The following CDH8 variants were observed in gnomAD, a reference collection of about 807,000 sequenced individuals.
The protein encoded by CDH8 is cadherin 8, also known as cadherin-8.
Under a neutral mutation model 68.1 loss-of-function variants are expected in CDH8, and 17 were observed. The observed-to-expected ratio is 0.25, with a 90% CI of 0.17 to 0.37. The LOEUF is 0.37. Among genes scored for constraint, CDH8 ranks in the 10% least tolerant of loss-of-function variants. The pLI is 1.00. For missense variants in CDH8, 763 were observed against 999.3 expected, an observed-to-expected ratio of 0.76 and a Z score of 3.19; for synonymous variants, 372 against 365.1, an observed-to-expected ratio of 1.02 and a Z score of -0.21.
At chr16:61,735,963 T>C (rs1196426929) in intron 8 of CDH8, among the ~76,000 whole-genome samples, 1 of 151,726 alleles carries the variant, frequency 6.6e-6, no homozygotes, top group Non-Finnish European at 1.5e-5. Context: ...GTCCCAGCTA[T>C]TCTGGAGGCT....
chr16:61,938,273 T>G (rs1348759857), intron 2 of CDH8, among the ~76,000 whole-genome samples: 1 of 152,144 alleles, frequency 6.6e-6, no homozygotes, highest in South Asian at 2.1e-4. Flanking sequence ...GCATTTCTTT[T>G]AAAATATACA....
intron 8 of CDH8, among the ~76,000 whole-genome samples, chr16:61,736,112 A>AAGGAAGGAAGGAAGGAAGG (rs1959673020): frequency 3.4e-5 from 4 of 116,464 alleles, no homozygotes; most frequent in Admixed American, 9.5e-5. Context: ...AGAAAGAAAG[A>AAGGAAGGAAGGAAGGAAGG]AAGGAAGGAA....
chr16:61,682,266 G>A (rs1275418597), intron 10 of CDH8, among the ~76,000 whole-genome samples: 1 of 151,862 alleles, frequency 6.6e-6, no homozygotes, highest in Non-Finnish European at 1.5e-5. Context: ...TGCAATGGGA[G>A]TTCATGTATT....
chr16:61,897,609 T>C (rs1963891775), intron 3 of CDH8, among the ~76,000 whole-genome samples: 1 of 152,202 alleles, frequency 6.6e-6, no homozygotes, highest in Non-Finnish European at 1.5e-5. Context: ...TCAATAGATA[T>C]AGGCTTGGCA....
At chr16:61,856,941 C>T (rs1430110852) in intron 4 of CDH8, among the ~76,000 whole-genome samples, 178 bp downstream of exon 4, 3 of 152,022 alleles carry the variant, frequency 2.0e-5, no homozygotes, top group South Asian at 2.1e-4. Context: ...TGTGATTTGT[C>T]GTAATCAGCA....
At chr16:61,749,247 A>G (rs1960099327) in intron 8 of CDH8, among the ~76,000 whole-genome samples, 2 of 152,066 alleles carry the variant, frequency 1.3e-5, no homozygotes, top group African/African-American at 4.8e-5. Context: ...AGCAAGACCA[A>G]TATGAATGAT....
At chr16:61,853,053 C>G (rs146210707) in intron 4 of CDH8, among the ~76,000 whole-genome samples, 1,527 of 152,098 alleles carry the variant, frequency 0.01, 8 homozygotes, top group Middle Eastern at 0.014. Flanking sequence ...ACCTTGCACT[C>G]TAGCATGGTA....
rs1157047677 is a variant in CDH8 at position 61,684,934 on chromosome 16, CCTT to C, written c.1654+28904_1654+28906del. Among the ~76,000 whole-genome samples, 26 of 152,038 alleles carry C rather than the reference CCTT, an allele frequency of 1.7e-4. 1 individual carries two copies. The highest frequency in any genetic ancestry group is 5.8e-4 in the African/African-American group (24 of 41,520). Reference sequence around the variant, plus strand: ...GACTCTTGGCTCCAGTAATTCTACTCCTTCTCTCTCTCTGCATAGGAGTGGAGT... The same window carrying C: ...GACTCTTGGCTCCAGTAATTCTACTCCTCTCTCTCTGCATAGGAGTGGAGT... On this transcript the variant is annotated intron_variant, in intron 10 of 11. Coordinates refer to ENST00000577390, the MANE Select transcript of CDH8 (RefSeq NM_001796.5).
intron 8 of CDH8, among the ~76,000 whole-genome samples, chr16:61,755,270 G>A (rs1439520613): frequency 1.3e-5 from 2 of 152,162 alleles, no homozygotes; most frequent in South Asian, 2.1e-4. Flanking sequence ...ATTATCACAA[G>A]GAGTTATAAT....
At position 61,691,013 on chromosome 16, in the gene CDH8, A is replaced by G. The variant is rs552974095; in HGVS notation, c.1654+22828T>C. On this transcript the variant is annotated intron_variant, in intron 10 of 11. Transcript: ENST00000577390. Reference sequence around the variant, plus strand: ...CTCACTTTATAGTCTACTAGTACCAACCAATTCTCCTTGTATATCTGGCTG... The same window carrying G: ...CTCACTTTATAGTCTACTAGTACCAGCCAATTCTCCTTGTATATCTGGCTG... Among the ~76,000 whole-genome samples the G allele has an allele frequency of 5.9e-5, 9 of 152,028 alleles. No individual in the cohort carries two copies. In the East Asian group the frequency reaches 1.5e-3, roughly 26 times the overall value.
intron 10 of CDH8, among the ~76,000 whole-genome samples, chr16:61,669,470 T>C (rs745400397): frequency 4.6e-5 from 7 of 152,068 alleles, no homozygotes; most frequent in South Asian, 2.1e-4. Flanking sequence ...GAATCTGTTA[T>C]ATGTGTCACT....
intron 8 of CDH8, among the ~76,000 whole-genome samples, chr16:61,739,727 C>CAAA (rs1240563096): frequency 1.3e-4 from 12 of 93,128 alleles, no homozygotes; most frequent in African/African-American, 4.7e-4. Context: ...GACTCTGCCT[C>CAAA]AAAAAAAAAA....
intron 9 of CDH8, 189 bp downstream of exon 9, chr16:61,726,905 T>G: frequency 3.4e-6 from 2 of 589,534 alleles, no homozygotes; most frequent in Non-Finnish European, 5.8e-6. Flanking sequence ...GCCAATTTGG[T>G]CATAAGTAGG....
chr16:61,653,485 G>A lies in CDH8; in HGVS notation c.*123C>T, dbSNP rs1340276975. The A allele has an allele frequency of 2.0e-6, 3 of 1,482,834 alleles. No individual in the cohort carries two copies. Among genetic ancestry groups the A allele is most frequent in the Non-Finnish European group, 2.7e-6 (3 of 1,117,894 alleles). The allele number at this position is 1,482,834 out of a possible 1,614,324, so 91.9% of individuals were successfully genotyped here. ...TGGTTCAACATTAAAATGTGGTTGAGTTTATAGATGACTGGTGCTAAACTT... is the reference window on the plus strand; with the variant it reads ...TGGTTCAACATTAAAATGTGGTTGAATTTATAGATGACTGGTGCTAAACTT... On this transcript the variant is annotated 3_prime_UTR_variant, in exon 12 of 12. Transcript: ENST00000577390.
At chr16:61,897,693 G>A (rs1045274469) in intron 3 of CDH8, among the ~76,000 whole-genome samples, 2 of 152,128 alleles carry the variant, frequency 1.3e-5, no homozygotes, top group East Asian at 3.9e-4. Flanking sequence ...TTAAGATAAA[G>A]TGTGCTGTAT....
At chr16:61,788,773 G>A (rs1388404528) in intron 8 of CDH8, among the ~76,000 whole-genome samples, 2 of 151,658 alleles carry the variant, frequency 1.3e-5, no homozygotes, top group Non-Finnish European at 2.9e-5. Flanking sequence ...TTCACAAAAT[G>A]TATGAAAAAA....
At chr16:61,998,968 CT>C (rs1285721813) in intron 2 of CDH8, among the ~76,000 whole-genome samples, 7 of 152,106 alleles carry the variant, frequency 4.6e-5, no homozygotes, top group Admixed American at 4.6e-4. Flanking sequence ...AACTAAGATA[CT>C]GGGCATGACA....
intron 2 of CDH8, among the ~76,000 whole-genome samples, chr16:61,942,502 T>TAAAAC (rs1178635633): frequency 1.1e-4 from 16 of 151,952 alleles, no homozygotes; most frequent in Non-Finnish European, 1.5e-4. Context: ...AGACTGCCTC[T>TAAAAC]AAAACAAAAC....
At chr16:62,022,110 C>T (rs377047375) in intron 1 of CDH8, among the ~76,000 whole-genome samples, 44 of 151,944 alleles carry the variant, frequency 2.9e-4, no homozygotes, top group African/African-American at 9.7e-4. Context: ...ATGCTAAACT[C>T]CATGAAATAA....
Sources: gnomAD v4.1 joint callset for allele counts (sites outside exome capture counted in the v4.1 genomes callset) on GRCh38, gnomAD v4.1.1 for gene constraint, MANE v1.5 for transcripts, NCBI Gene and HGNC (gene_info 2026-07-23, HGNC 2026-07-21) for gene names.